FHIT: variants seen among roughly 807,000 people sequenced by gnomAD.
FHIT encodes bis(5'-adenosyl)-triphosphatase.
In FHIT, 19 loss-of-function variants were observed where a neutral mutation model predicts 17.9. The observed-to-expected ratio is 1.06, with a 90% CI of 0.74 to 1.56. FHIT has a LOEUF of 1.56. Ranked by LOEUF, FHIT falls within the 40% of genes most tolerant of loss-of-function variation. The pLI is 0.00. For synonymous variants in FHIT, 81 were observed against 69.7 expected (o/e 1.16, Z -0.81); for missense variants, 248 against 189.2 (o/e 1.31, Z -1.82).
At chr3:60,761,232 A>G (rs1384064920) in intron 4 of FHIT, among the ~76,000 whole-genome samples, 6 of 152,308 alleles carry the variant, frequency 3.9e-5, no homozygotes, top group African/African-American at 1.4e-4. Context: ...TTATACAACA[A>G]AGTGGTTTCA....
chr3:59,783,945 A>G (rs572651761), intron 8 of FHIT, among the ~76,000 whole-genome samples: 2 of 152,302 alleles, frequency 1.3e-5, no homozygotes, highest in African/African-American at 4.8e-5. Context: ...AGTCATGTGA[A>G]TGAACTAGAA....
intron 3 of FHIT, among the ~76,000 whole-genome samples, chr3:60,911,670 T>A (rs1447838304): frequency 6.6e-6 from 1 of 152,186 alleles, no homozygotes; most frequent in Non-Finnish European, 1.5e-5. Context: ...TGAAGAGATG[T>A]CCTGGCAGTC....
At chr3:61,195,699 A>G (rs550004779) in intron 2 of FHIT, among the ~76,000 whole-genome samples, 1 of 152,332 alleles carries the variant, frequency 6.6e-6, no homozygotes, top group Non-Finnish European at 1.5e-5. Context: ...ATAATGATTA[A>G]GAATGCAGGC....
intron 5 of FHIT, among the ~76,000 whole-genome samples, chr3:60,450,278 G>A (rs1373873494): frequency 1.3e-5 from 2 of 151,974 alleles, no homozygotes; most frequent in Non-Finnish European, 2.9e-5. Flanking sequence ...CTGGGCAATA[G>A]GAATTTTTCA....
chr3:60,452,550 G>A (rs1398856318), intron 5 of FHIT, among the ~76,000 whole-genome samples: 1 of 152,168 alleles, frequency 6.6e-6, no homozygotes, highest in Non-Finnish European at 1.5e-5. Context: ...CCAGTTTAAT[G>A]AATTCAAAAC....
At chr3:60,597,816 CTATGCAATTTG>C (rs1553667183) in intron 4 of FHIT, among the ~76,000 whole-genome samples, 2 of 152,106 alleles carry the variant, frequency 1.3e-5, no homozygotes, top group Admixed American at 1.3e-4. Flanking sequence ...AATGACCAAG[CTATGCAATTTG>C]TATGCAGAGA....
chr3:61,001,241 T>C (rs946775962), intron 3 of FHIT, among the ~76,000 whole-genome samples: 10 of 151,884 alleles, frequency 6.6e-5, no homozygotes, highest in Admixed American at 1.3e-4. Flanking sequence ...TTCTAGAAAA[T>C]AGTTCAGCTG....
At chr3:59,969,714 TC>T (rs1708091204) in intron 7 of FHIT, among the ~76,000 whole-genome samples, 1 of 152,112 alleles carries the variant, frequency 6.6e-6, no homozygotes, top group East Asian at 1.9e-4. Flanking sequence ...GGGCACAAAT[TC>T]ATGGTGCCTA....
At chr3:60,745,807 TA>T (rs2042344670) in intron 4 of FHIT, among the ~76,000 whole-genome samples, 1 of 152,066 alleles carries the variant, frequency 6.6e-6, no homozygotes, top group South Asian at 2.1e-4. Context: ...TGAAGCTGAG[TA>T]AAAACATTTA....
At chr3:59,906,293 A>G (rs960953080) in intron 8 of FHIT, among the ~76,000 whole-genome samples, 2 of 152,210 alleles carry the variant, frequency 1.3e-5, no homozygotes, top group South Asian at 2.1e-4. Flanking sequence ...GTAATTTCCT[A>G]GACTTCAAGG....
At chr3:60,197,878 G>A (rs1451042920) in intron 5 of FHIT, among the ~76,000 whole-genome samples, 1 of 152,090 alleles carries the variant, frequency 6.6e-6, no homozygotes, top group Admixed American at 6.6e-5. Context: ...AACCAACACA[G>A]CAGCTTTGTA....
intron 7 of FHIT, among the ~76,000 whole-genome samples, chr3:59,951,532 A>T (rs1707117374): frequency 6.6e-6 from 1 of 152,206 alleles, no homozygotes; most frequent in South Asian, 2.1e-4. Context: ...GCGATGCCTC[A>T]GCTACCTCTG....
At chr3:60,508,997 A>G (rs1247027152) in intron 5 of FHIT, among the ~76,000 whole-genome samples, 1 of 152,186 alleles carries the variant, frequency 6.6e-6, no homozygotes, top group Non-Finnish European at 1.5e-5. Flanking sequence ...CCCACATAGT[A>G]CATATCTGTG....
rs555227017 is a variant in FHIT, at chr3:61,120,025, C to T, written c.-163-77926G>A. ...TTATTGATTCTTTTTCTCTGGATAACCTTGATTAACACAACCTCTGAGTTA... is the reference window on the plus strand; with the variant it reads ...TTATTGATTCTTTTTCTCTGGATAATCTTGATTAACACAACCTCTGAGTTA... On this transcript the variant is annotated intron_variant, in intron 2 of 9. Coordinates refer to ENST00000492590, the MANE Select transcript of FHIT (RefSeq NM_002012.4). 1.6e-4 allele frequency among the ~76,000 whole-genome samples: 24 copies of T among 152,224 alleles called. No individual in the cohort carries two copies. In the South Asian group the frequency reaches 4.8e-3, roughly 30 times the overall value.
intron 7 of FHIT, among the ~76,000 whole-genome samples, chr3:60,007,143 C>T (rs146227403): frequency 6.6e-6 from 1 of 152,214 alleles, no homozygotes; most frequent in African/African-American, 2.4e-5. Context: ...ATAAATCTGT[C>T]CTTAATATAC....
In FHIT at chr3:60,759,410, A is replaced by T. The variant is rs138426277; in HGVS notation, c.-18+62509T>A. ...CATGGGATGTGTAACCGAAGTCTAG[A>T]GTTGAAAGAAGAGGTCTAAGCTAGA... On this transcript the variant is annotated intron_variant, in intron 4 of 9. Coordinates refer to ENST00000492590, the MANE Select transcript of FHIT (RefSeq NM_002012.4). Among the ~76,000 whole-genome samples, 76 of 152,334 alleles carry T rather than the reference A, an allele frequency of 5.0e-4. No homozygotes were observed. In the East Asian group the frequency reaches 0.013, roughly 26 times the overall value.
chr3:61,212,745 C>A (rs561479684), intron 1 of FHIT, among the ~76,000 whole-genome samples: 32 of 152,298 alleles, frequency 2.1e-4, no homozygotes, highest in Middle Eastern at 3.4e-3. Context: ...TTAAGGGCAG[C>A]CAGACAGAAA....
chr3:60,823,330 G>A (rs781998692), intron 3 of FHIT, among the ~76,000 whole-genome samples: 9 of 152,156 alleles, frequency 5.9e-5, no homozygotes, highest in Non-Finnish European at 1.2e-4. Flanking sequence ...AAAAAGATAT[G>A]TTGAAGTCCT....
chr3:60,733,432 T>G (rs1315588007), intron 4 of FHIT, among the ~76,000 whole-genome samples: 2 of 152,164 alleles, frequency 1.3e-5, no homozygotes, highest in African/African-American at 4.8e-5. Context: ...ATTTGTGTGG[T>G]TTTTGTTTTG....
Sources: gnomAD v4.1 joint callset for allele counts (sites outside exome capture counted in the v4.1 genomes callset) on GRCh38, gnomAD v4.1.1 for gene constraint, MANE v1.5 for transcripts, NCBI Gene and HGNC (gene_info 2026-07-23, HGNC 2026-07-21) for gene names.